Variants in MARCHF10 observed in about 807,000 individuals in gnomAD.
MARCHF10 encodes probable E3 ubiquitin-protein ligase MARCHF10.
A neutral mutation model predicts 76.2 loss-of-function variants in MARCHF10; 64 were observed. That is an observed-to-expected ratio of 0.84 (90% CI 0.69 to 1.03). The LOEUF is 1.03. Among genes scored for constraint, MARCHF10 ranks in the 50% least tolerant of loss-of-function variants. The pLI, the probability that MARCHF10 is intolerant of heterozygous loss-of-function variation, is 0.00. For synonymous variants in MARCHF10, 340 were observed against 357.5 expected (o/e 0.95, Z 0.55); for missense variants, 875 against 958.0 (o/e 0.91, Z 1.14).
chr17:62,784,302 G>A (rs1598022354), intron 3 of MARCHF10, among the ~76,000 whole-genome samples: 2 of 152,206 alleles, frequency 1.3e-5, no homozygotes, highest in South Asian at 4.2e-4. Flanking sequence ...ATGCAGAAAA[G>A]GCCTTTGACA....
chr17:62,769,839 T>C (rs1318532521), intron 3 of MARCHF10, among the ~76,000 whole-genome samples: 1 of 152,242 alleles, frequency 6.6e-6, no homozygotes, highest in Non-Finnish European at 1.5e-5. Context: ...TATTCAATTT[T>C]TTTTGTTCCT....
intron 3 of MARCHF10, 92 bp from the exon 4 acceptor site, chr17:62,760,098 C>T (rs2147950115): frequency 9.6e-7 from 1 of 1,039,946 alleles, no homozygotes; most frequent in Non-Finnish European, 1.5e-6. Context: ...TGCAGTGACC[C>T]TCTCCAGCAA....
chr17:62,703,231 C>T (rs1037617309), intron 10 of MARCHF10: 2 of 152,464 alleles, frequency 1.3e-5, no homozygotes, highest in Middle Eastern at 3.4e-3. Context: ...TCTGTGCTAC[C>T]TGGTGTGCCC....
intron 3 of MARCHF10, 102 bp downstream of exon 3, chr17:62,788,378 T>A: frequency 6.8e-7 from 1 of 1,475,724 alleles, no homozygotes; most frequent in Non-Finnish European, 9.3e-7. Flanking sequence ...CTGCAACATC[T>A]CCTTTTTGAG....
chr17:62,796,685 T>A (rs2092990921), intron 2 of MARCHF10, among the ~76,000 whole-genome samples: 1 of 152,170 alleles, frequency 6.6e-6, no homozygotes, highest in Non-Finnish European at 1.5e-5. Flanking sequence ...GTTGAGAGGA[T>A]GTCACACAAA....
chr17:62,741,173 A>T, intron 5 of MARCHF10, among the ~76,000 whole-genome samples: 1 of 152,248 alleles, frequency 6.6e-6, no homozygotes, highest in Non-Finnish European at 1.5e-5. Flanking sequence ...CTTTAAGAAC[A>T]TGATATTAAT....
At chr17:62,800,200 G>A (rs2093048699) in intron 2 of MARCHF10, among the ~76,000 whole-genome samples, 1 of 152,180 alleles carries the variant, frequency 6.6e-6, no homozygotes, top group Admixed American at 6.6e-5. Context: ...GAATGAAAAG[G>A]CAGTGTTAAG....
At chr17:62,742,028 T>C (rs2091532199) in intron 5 of MARCHF10, among the ~76,000 whole-genome samples, 1 of 146,362 alleles carries the variant, frequency 6.8e-6, no homozygotes, top group Non-Finnish European at 1.5e-5. Context: ...TTTTTTCTTT[T>C]TTTTTTTTGA....
intron 5 of MARCHF10, 135 bp from the exon 6 acceptor site, chr17:62,737,467 G>T: frequency 2.5e-6 from 2 of 806,606 alleles, no homozygotes; most frequent in Non-Finnish European, 4.0e-6. Flanking sequence ...GGTCAAAATG[G>T]CTGGAGGTAC....
At chr17:62,702,955 ATC>A (rs2089338522) in intron 10 of MARCHF10, among the ~76,000 whole-genome samples, 1 of 151,868 alleles carries the variant, frequency 6.6e-6, no homozygotes, top group Admixed American at 6.6e-5. Flanking sequence ...CCCTGTCCTC[ATC>A]TGTTTGCATA....
intron 3 of MARCHF10, among the ~76,000 whole-genome samples, chr17:62,787,130 G>A (rs982260597): frequency 5.3e-5 from 8 of 152,132 alleles, no homozygotes; most frequent in South Asian, 2.1e-4. Context: ...TCCAGGCAAC[G>A]TGTTCTTGGT....
intron 8 of MARCHF10, among the ~76,000 whole-genome samples, chr17:62,713,010 G>C (rs949528432): frequency 6.6e-6 from 1 of 152,142 alleles, no homozygotes; most frequent in Admixed American, 6.5e-5. Context: ...CTCCCAAAGT[G>C]CTGGGATTAC....
Position 62,736,795 on chromosome 17 carries a change from T to C in MARCHF10, c.1073A>G (p.Asn358Ser). 6.2e-7 allele frequency: 1 copy of C among 1,614,174 alleles called. No homozygotes were observed. The highest frequency in any genetic ancestry group is 8.5e-7 in the Non-Finnish European group (1 of 1,180,016). The change falls in exon 6 of 11, where the codon AAT becomes AGT. Residue 358 changes from asparagine (N) to serine (S), a missense_variant. Asn to Ser is a conservative substitution (Grantham distance 46). Coordinates refer to ENST00000311269, the MANE Select transcript of MARCHF10 (RefSeq NM_152598.4). ...EPSHGSLRIS[N>S]AMEPATERPS... Reference sequence around the variant, plus strand: ...CCGCTCTGTTGCTGGCTCCATTGCATTGCTTATTCTCAATGAGCCATGACT... The same window carrying C: ...CCGCTCTGTTGCTGGCTCCATTGCACTGCTTATTCTCAATGAGCCATGACT...
chr17:62,748,082 C>T (rs1027400184), intron 4 of MARCHF10, among the ~76,000 whole-genome samples: 2 of 152,184 alleles, frequency 1.3e-5, no homozygotes, highest in Non-Finnish European at 2.9e-5. Context: ...CTAGATTGCA[C>T]AGTTTGTGTG....
rs2091381524 is a variant in MARCHF10, at chr17:62,738,470, C to G, written c.536-1138G>C. ...GACATCGGCCTCCCCCCGCTTTGTT[C>G]TCCTCTCTGCTATTGTGTGGGATCT... On this transcript the variant is annotated intron_variant, in intron 5 of 10. Transcript: ENST00000311269. This position sits in a 1 kb window ranked among gnomAD's most constrained non-coding sequence, Gnocchi z 4.0. 6.6e-6 allele frequency among the ~76,000 whole-genome samples: 1 copy of G among 152,182 alleles called. No homozygotes were observed. The highest frequency in any genetic ancestry group is 1.5e-5 in the Non-Finnish European group (1 of 68,038).
chr17:62,779,281 A>G (rs1039800720), intron 3 of MARCHF10, among the ~76,000 whole-genome samples: 1 of 152,220 alleles, frequency 6.6e-6, no homozygotes, highest in South Asian at 2.1e-4. Flanking sequence ...TAGGGCCAGA[A>G]AGAAGAGGCC....
chr17:62,706,323 C>T (rs1370310919), intron 9 of MARCHF10: 1 of 152,156 alleles, frequency 6.6e-6, no homozygotes, highest in Non-Finnish European at 1.5e-5. Flanking sequence ...GTCCTGGTTG[C>T]CTGGTAAATT....
At chr17:62,742,584 C>T (rs1275833019) in intron 5 of MARCHF10, among the ~76,000 whole-genome samples, 1 of 152,094 alleles carries the variant, frequency 6.6e-6, no homozygotes, top group East Asian at 1.9e-4. Flanking sequence ...GGATGATGGG[C>T]GATGACTCCT....
intron 4 of MARCHF10, among the ~76,000 whole-genome samples, chr17:62,751,276 G>A (rs566747923): frequency 2.0e-5 from 3 of 152,220 alleles, no homozygotes; most frequent in East Asian, 3.9e-4. Context: ...CGGCTTACCT[G>A]CCCGGAACCT....
Sources: gnomAD v4.1 joint callset for allele counts (sites outside exome capture counted in the v4.1 genomes callset) on GRCh38, gnomAD v4.1.1 for gene constraint, Gnocchi (gnomAD v3.1) non-coding constraint, MANE v1.5 for transcripts, NCBI Gene and HGNC (gene_info 2026-07-23, HGNC 2026-07-21) for gene names.